Variants in SRD5A2 observed in about 807,000 individuals in gnomAD.
The protein encoded by SRD5A2 is 3-oxo-5-alpha-steroid 4-dehydrogenase 2.
Under a neutral mutation model 27.4 loss-of-function variants are expected in SRD5A2, and 30 were observed. The ratio of observed to expected loss-of-function variants is 1.10; its 90% confidence interval spans 0.82 to 1.49. The LOEUF (loss-of-function observed/expected upper bound fraction) is 1.49, where lower values mean the gene tolerates loss of function less well. Ranked by LOEUF, SRD5A2 falls within the 40% of genes most tolerant of loss-of-function variation. SRD5A2 has a pLI of 0.00. For synonymous variants in SRD5A2, 141 were observed against 133.6 expected, an observed-to-expected ratio of 1.06 and a Z score of -0.38; for missense variants, 348 against 323.4, an observed-to-expected ratio of 1.08 and a Z score of -0.58.
chr2:31,574,091 C>T (rs1471420614), intron 1 of SRD5A2, among the ~76,000 whole-genome samples: 2 of 152,312 alleles, frequency 1.3e-5, no homozygotes, highest in East Asian at 1.9e-4. Flanking sequence ...AGTGGCCTGG[C>T]GGGGGCCCGT....
intron 1 of SRD5A2, among the ~76,000 whole-genome samples, chr2:31,556,267 C>G (rs566221463): frequency 6.6e-6 from 1 of 152,316 alleles, no homozygotes; most frequent in African/African-American, 2.4e-5. Context: ...GTGAAGTCCA[C>G]TAAACACAGA....
the SRD5A2 span, among the ~76,000 whole-genome samples, chr2:31,620,898 T>A: frequency 6.8e-6 from 1 of 147,304 alleles, no homozygotes; most frequent in Admixed American, 6.8e-5. Context: ...ATCCATTATA[T>A]TTGCTATCTG....
the SRD5A2 span, among the ~76,000 whole-genome samples, chr2:31,595,301 C>T: frequency 5.3e-5 from 8 of 151,928 alleles, no homozygotes; most frequent in South Asian, 2.1e-4. Context: ...AATTGATAGA[C>T]CATTAGTGAA....
rs267599352 is a variant in SRD5A2, at chr2:31,531,408, G to A, written c.510C>T (p.Leu170=). ...NIHSDYILRQ[L]RKPGEISYRI... ...TGTAGCTGATTTCTCCAGGCTTCCT[G>A]AGCTGGCGCAATATATAGTCACTAT... Residue 170 remains leucine, a synonymous_variant, in exon 3 of 5, where the codon CTC becomes CTT. Coordinates refer to ENST00000622030, the MANE Select transcript of SRD5A2 (RefSeq NM_000348.4). 1.1e-5 allele frequency: 17 copies of A among 1,596,674 alleles called. No individual in the cohort carries two copies. In the African/African-American group the frequency reaches 2.1e-4, roughly 20 times the overall value.
the SRD5A2 span, among the ~76,000 whole-genome samples, chr2:31,591,102 A>G: frequency 1.3e-5 from 2 of 152,226 alleles, no homozygotes; most frequent in Non-Finnish European, 1.5e-5. Flanking sequence ...TAATTAAACT[A>G]AAGGGCTTCT....
chr2:31,529,571 G>T, intron 3 of SRD5A2, 114 bp from the exon 4 acceptor site: 1 of 1,403,110 alleles, frequency 7.1e-7, no homozygotes. Flanking sequence ...TGGGGCTGGA[G>T]GCTCCCTCCA....
Position 31,531,427 on chromosome 2 carries a change from T to A in SRD5A2, c.491A>T (p.Asp164Val). Residue 164 changes from aspartate (D) to valine (V), a missense_variant, in exon 3 of 5, where the codon GAC becomes GTC. Physicochemically the swap from Asp to Val is radical, Grantham distance 152. Transcript: ENST00000622030. ...ILGMGINIHS[D>V]YILRQLRKPG... ...CTTCCTGAGCTGGCGCAATATATAG[T>A]CACTATGAATGTTTATTCCCATTCC... 2 of 1,601,468 alleles carry A rather than the reference T, an allele frequency of 1.2e-6. No individual in the cohort carries two copies. The highest frequency in any genetic ancestry group is 1.7e-6 in the Non-Finnish European group (2 of 1,173,646).
the SRD5A2 span, among the ~76,000 whole-genome samples, chr2:31,650,584 C>T: frequency 1.4e-4 from 21 of 152,174 alleles, no homozygotes; most frequent in Non-Finnish European, 2.8e-4. Flanking sequence ...TAAACCATCA[C>T]CCTCTCACTT....
chr2:31,553,345 G>GA (rs1467006340), intron 1 of SRD5A2, among the ~76,000 whole-genome samples: 1 of 151,790 alleles, frequency 6.6e-6, no homozygotes, highest in Non-Finnish European at 1.5e-5. Context: ...GAGACAATAG[G>GA]AAAAAAAGCT....
At chr2:31,646,013 T>G in the SRD5A2 span, among the ~76,000 whole-genome samples, 3 of 152,160 alleles carry the variant, frequency 2.0e-5, no homozygotes, top group Admixed American at 6.5e-5. Context: ...CTGAAATCAC[T>G]TGCAACTTTA....
At chr2:31,589,830 C>A in the SRD5A2 span, among the ~76,000 whole-genome samples, 4 of 152,032 alleles carry the variant, frequency 2.6e-5, no homozygotes, top group Non-Finnish European at 5.9e-5. Context: ...GGCCTGAGAG[C>A]CCTGCTTGCT....
chr2:31,652,050 C>A, the SRD5A2 span, among the ~76,000 whole-genome samples: 14 of 152,306 alleles, frequency 9.2e-5, no homozygotes, highest in East Asian at 2.7e-3. Flanking sequence ...CCTCCGCCTC[C>A]AGGACGGAGG....
rs1196823905 is a variant in SRD5A2 at position 31,525,767 on chromosome 2, C to G, written c.*429G>C. 2 of 229,772 alleles carry G rather than the reference C, an allele frequency of 8.7e-6. No individual in the cohort carries two copies. The highest frequency in any genetic ancestry group is 4.4e-5 in the African/African-American group (2 of 45,200). The allele number at this position is 229,772 out of a possible 1,614,324, so 14.2% of individuals were successfully genotyped here. A position where few individuals can be genotyped will look rare whatever the true frequency, so the allele number is the denominator to read the frequency against. ...CTTCAGAGTTTAAATTTCTGCTACTCTGTTACATGTATAAAATGCATACCT... is the reference window on the plus strand; with the variant it reads ...CTTCAGAGTTTAAATTTCTGCTACTGTGTTACATGTATAAAATGCATACCT... On this transcript the variant is annotated 3_prime_UTR_variant, in exon 5 of 5. Transcript: ENST00000622030.
the SRD5A2 span, among the ~76,000 whole-genome samples, chr2:31,661,121 T>C: frequency 6.6e-6 from 1 of 152,124 alleles, no homozygotes; most frequent in Non-Finnish European, 1.5e-5. Context: ...CTTCAGGCAG[T>C]AAAATAGGAA....
At chr2:31,591,289 C>G in the SRD5A2 span, among the ~76,000 whole-genome samples, 1 of 152,184 alleles carries the variant, frequency 6.6e-6, no homozygotes, top group Non-Finnish European at 1.5e-5. Context: ...CATGAACAGA[C>G]ATTTCTCAAA....
At chr2:31,547,055 G>A (rs920732685) in intron 1 of SRD5A2, among the ~76,000 whole-genome samples, 4 of 151,984 alleles carry the variant, frequency 2.6e-5, no homozygotes, top group East Asian at 1.9e-4. Flanking sequence ...CCGAGATGGC[G>A]CCATTGCACT....
At chr2:31,623,984 G>A in the SRD5A2 span, among the ~76,000 whole-genome samples, 1 of 152,124 alleles carries the variant, frequency 6.6e-6, no homozygotes, top group East Asian at 1.9e-4. Flanking sequence ...GCTTCATGAT[G>A]TGCTGCTAGA....
intron 1 of SRD5A2, among the ~76,000 whole-genome samples, chr2:31,572,913 G>A (rs962073173): frequency 2.0e-5 from 3 of 152,080 alleles, no homozygotes; most frequent in Non-Finnish European, 4.4e-5. Flanking sequence ...ATTGAAAGAG[G>A]CCCAGAGCCT....
chr2:31,535,049 T>A (rs2148067860), intron 1 of SRD5A2, among the ~76,000 whole-genome samples: 1 of 147,114 alleles, frequency 6.8e-6, no homozygotes, highest in Middle Eastern at 3.5e-3. Flanking sequence ...TGAGATAGAG[T>A]CTCATTCTGT....
Sources: gnomAD v4.1 joint callset for allele counts (sites outside exome capture counted in the v4.1 genomes callset) on GRCh38, gnomAD v4.1.1 for gene constraint, MANE v1.5 for transcripts, NCBI Gene and HGNC (gene_info 2026-07-23, HGNC 2026-07-21) for gene names.